HIVEP2: variants seen among roughly 807,000 people sequenced by gnomAD.
HIVEP2 encodes transcription factor HIVEP2.
Under a neutral mutation model 180.7 loss-of-function variants are expected in HIVEP2, and 14 were observed. The ratio of observed to expected loss-of-function variants is 0.08; its 90% CI spans 0.05 to 0.12. The LOEUF (loss-of-function observed/expected upper bound fraction) is 0.12. HIVEP2 is among the 10% of genes least tolerant of loss of function. HIVEP2 has a pLI of 1.00. For missense variants in HIVEP2, 2,579 were observed against 3,008.5 expected, an observed-to-expected ratio of 0.86 and a Z score of 3.34; for synonymous variants, 1,184 against 1,136.4, an observed-to-expected ratio of 1.04 and a Z score of -0.84.
intron 2 of HIVEP2, among the ~76,000 whole-genome samples, chr6:142,819,983 G>A (rs1471615576): frequency 6.6e-6 from 1 of 152,078 alleles, no homozygotes; most frequent in Non-Finnish European, 1.5e-5. Context: ...CAAATCTGTG[G>A]TGCTAATCAA....
At chr6:142,765,747 C>T (rs911595528) in intron 6 of HIVEP2, among the ~76,000 whole-genome samples, 2 of 152,128 alleles carry the variant, frequency 1.3e-5, no homozygotes, top group East Asian at 1.9e-4. Flanking sequence ...TTAATCAAAT[C>T]GGCTAGAAAA....
chr6:142,762,130 A>G (rs1775258713), intron 7 of HIVEP2, among the ~76,000 whole-genome samples: 1 of 152,162 alleles, frequency 6.6e-6, no homozygotes, highest in Non-Finnish European at 1.5e-5. Context: ...ACAAATAATT[A>G]GCTAACTACT....
intron 2 of HIVEP2, among the ~76,000 whole-genome samples, chr6:142,813,728 C>G (rs1424333879): frequency 6.6e-6 from 1 of 151,462 alleles, no homozygotes; most frequent in Non-Finnish European, 1.5e-5. Flanking sequence ...GGTACATGCC[C>G]CAGAATTTTT....
At position 142,943,554 on chromosome 6, in the gene HIVEP2, A is replaced by G. The variant is rs1360799634; in HGVS notation, c.-641+1545T>C. On this transcript the variant is annotated intron_variant, in intron 1 of 9. Coordinates refer to ENST00000367603, the MANE Select transcript of HIVEP2 (RefSeq NM_006734.4). This position sits in a 1 kb window ranked among gnomAD's most constrained non-coding sequence, Gnocchi z 4.5. ...TGAGGAGAAAAATCAATAGCCCTTG[A>G]CTAGGGCTCTGGGTATGCTAGAAAA... Among the ~76,000 whole-genome samples the G allele has an allele frequency of 6.6e-6, 1 of 152,230 alleles. No homozygotes were observed. Among genetic ancestry groups the G allele is most frequent in the Non-Finnish European group, 1.5e-5 (1 of 68,034 alleles).
intron 1 of HIVEP2, among the ~76,000 whole-genome samples, chr6:142,903,401 A>G (rs1295143088): frequency 1.3e-5 from 2 of 152,328 alleles, no homozygotes; most frequent in East Asian, 3.9e-4. Context: ...CTTCACTTTG[A>G]TGGACTCTCA....
Position 142,753,192 on chromosome 6 carries a change from T to G in HIVEP2, c.7256A>C (p.Gln2419Pro). The G allele has an allele frequency of 1.2e-6, 2 of 1,613,934 alleles. No individual in the cohort carries two copies. The highest frequency in any genetic ancestry group is 1.3e-5 in the African/African-American group (1 of 75,062). Reference sequence around the variant, plus strand: ...TTCCTTGCTGCTGTGAAAGTCCAACTGCTTGTCATCCACACAACTCTTGCT... The same window carrying G: ...TTCCTTGCTGCTGTGAAAGTCCAACGGCTTGTCATCCACACAACTCTTGCT... ...FYSKSCVDDK[Q>P]LDFHSSKELS... The change falls in exon 10 of 10, where the codon CAG (glutamine) becomes CCG (proline). Residue 2419 changes from glutamine (Q) to proline (P), a missense_variant. Coordinates refer to ENST00000367603, the MANE Select transcript of HIVEP2 (RefSeq NM_006734.4).
At chr6:142,785,987 A>T (rs1443886600) in intron 2 of HIVEP2, among the ~76,000 whole-genome samples, 3 of 152,226 alleles carry the variant, frequency 2.0e-5, no homozygotes, top group Admixed American at 2.0e-4. Context: ...TTTTGCACAA[A>T]TCATTTTGTT....
Position 142,759,760 on chromosome 6 carries a change from G to T in HIVEP2, c.6516+12C>A. On this transcript the variant is annotated intron_variant, in intron 9 of 9. Coordinates refer to ENST00000367603, the MANE Select transcript of HIVEP2 (RefSeq NM_006734.4). ...CACTTATGTATTAGAAAGAAAAGTGGATTATACTTACAGGAGGCCCCAATA... is the reference window on the plus strand; with the variant it reads ...CACTTATGTATTAGAAAGAAAAGTGTATTATACTTACAGGAGGCCCCAATA... The T allele has an allele frequency of 1.3e-6, 2 of 1,579,878 alleles. No individual in the cohort carries two copies. Among genetic ancestry groups the T allele is most frequent in the Non-Finnish European group, 1.7e-6 (2 of 1,166,172 alleles).
intron 2 of HIVEP2, among the ~76,000 whole-genome samples, chr6:142,790,584 T>C (rs1045655334): frequency 2.0e-5 from 3 of 152,248 alleles, no homozygotes; most frequent in Admixed American, 6.5e-5. Flanking sequence ...ACAATGCTTA[T>C]GTTTACTATT....
At chr6:142,873,408 TCAC>T (rs1424297282) in intron 1 of HIVEP2, among the ~76,000 whole-genome samples, 4 of 152,166 alleles carry the variant, frequency 2.6e-5, no homozygotes, top group Non-Finnish European at 5.9e-5. Context: ...ATTAATCCAA[TCAC>T]CACCATTATT....
Position 142,771,676 on chromosome 6 carries a change from A to G in HIVEP2, c.3063T>C (p.His1021=). 1 of 1,614,174 alleles carries G rather than the reference A, an allele frequency of 6.2e-7. No homozygotes were observed. The highest frequency in any genetic ancestry group is 1.1e-5 in the South Asian group (1 of 91,084). ...AGCGTCGCATCTCTTTCTGGTGGTG[A>G]TGGCCTGGGACAGACAATGAGTATG... ...AGSYSLSVPG[H]HHQKEMRRCS... Residue 1021 remains histidine (H), a synonymous_variant, in exon 5 of 10, where the codon CAT becomes CAC. Coordinates refer to ENST00000367603, the MANE Select transcript of HIVEP2 (RefSeq NM_006734.4). This position sits in a 1 kb window ranked among gnomAD's most constrained non-coding sequence, Gnocchi z 5.4.
chr6:142,901,106 T>C (rs969091128), intron 1 of HIVEP2, among the ~76,000 whole-genome samples: 5 of 152,224 alleles, frequency 3.3e-5, no homozygotes, highest in Admixed American at 6.5e-5. Flanking sequence ...AATTACCTCA[T>C]AGAAGCTGCT....
At chr6:142,802,300 G>A (rs1776433452) in intron 2 of HIVEP2, among the ~76,000 whole-genome samples, 3 of 152,078 alleles carry the variant, frequency 2.0e-5, no homozygotes, top group Non-Finnish European at 4.4e-5. Context: ...TTGCACACAG[G>A]GACTTCCCCC....
intron 3 of HIVEP2, among the ~76,000 whole-genome samples, chr6:142,779,218 C>A (rs764326847): frequency 6.6e-6 from 1 of 152,134 alleles, no homozygotes; most frequent in Non-Finnish European, 1.5e-5. Flanking sequence ...CTGTGCCCAG[C>A]TTGGAAATCA....
chr6:142,793,706 T>C (rs1056101187), intron 2 of HIVEP2, among the ~76,000 whole-genome samples: 3 of 143,254 alleles, frequency 2.1e-5, no homozygotes, highest in Non-Finnish European at 3.1e-5. Context: ...TCTGTCTGTC[T>C]TTCTTTCCTT....
chr6:142,864,051 T>C (rs1372085518), intron 1 of HIVEP2, among the ~76,000 whole-genome samples: 3 of 152,184 alleles, frequency 2.0e-5, no homozygotes, highest in Admixed American at 1.3e-4. Flanking sequence ...CCTTTGCCCC[T>C]ACCATTGGAA....
In HIVEP2 at chr6:142,771,785, C is replaced by G; in HGVS notation, c.2954G>C (p.Arg985Thr). Residue 985 changes from arginine (R) to threonine (T), a missense_variant, in exon 5 of 10, where the codon AGA becomes ACA. Arg to Thr is a moderately conservative substitution (Grantham distance 71, BLOSUM62 -1). Coordinates refer to ENST00000367603, the MANE Select transcript of HIVEP2 (RefSeq NM_006734.4). The surrounding 1 kb of genome is among the most constrained non-coding windows in gnomAD (Gnocchi z 5.4). ...HSSSFSMSFE[R>T]EETSKLSALP... ...TGCAGAAAGCTTACTGGTTTCTTCT[C>G]TTTCAAAAGACATGGAGAAACTGGA... 6.2e-7 allele frequency: 1 copy of G among 1,614,218 alleles called. No homozygotes were observed. Among genetic ancestry groups the G allele is most frequent in the East Asian group, 2.2e-5 (1 of 44,882 alleles).
chr6:142,834,559 C>T (rs112750010), intron 2 of HIVEP2, among the ~76,000 whole-genome samples: 2 of 152,040 alleles, frequency 1.3e-5, no homozygotes, highest in African/African-American at 4.8e-5. Context: ...AAAGCCCAGA[C>T]TCCAGCTAAT....
chr6:142,765,718 A>C (rs2072823841), intron 6 of HIVEP2, among the ~76,000 whole-genome samples: 1 of 152,196 alleles, frequency 6.6e-6, no homozygotes, highest in Non-Finnish European at 1.5e-5. Flanking sequence ...GTTTGAAAGG[A>C]TATCTGAGGT....
Sources: gnomAD v4.1 joint callset for allele counts (sites outside exome capture counted in the v4.1 genomes callset) on GRCh38, gnomAD v4.1.1 for gene constraint, Gnocchi (gnomAD v3.1) non-coding constraint, MANE v1.5 for transcripts, NCBI Gene and HGNC (gene_info 2026-07-23, HGNC 2026-07-21) for gene names.